ANTXR1: variants seen among roughly 807,000 people sequenced by gnomAD.
ANTXR1 encodes the protein ANTXR cell adhesion molecule 1.
A neutral mutation model predicts 78.1 loss-of-function variants in ANTXR1; 19 were observed. That is an observed-to-expected ratio of 0.24 (90% CI 0.17 to 0.36). The LOEUF is 0.36. Ranked by LOEUF, ANTXR1 falls within the 10% of genes least tolerant of loss-of-function variation. The pLI is 1.00. For missense variants in ANTXR1, 518 were observed against 718.6 expected (o/e 0.72, Z 3.19); for synonymous variants, 273 against 260.5 (o/e 1.05, Z -0.46).
chr2:69,037,898 C>T (rs1025860273), intron 1 of ANTXR1, among the ~76,000 whole-genome samples: 15 of 152,104 alleles, frequency 9.9e-5, no homozygotes, highest in African/African-American at 3.6e-4. Flanking sequence ...GACCCTGGCA[C>T]GCTCCTTCCA....
chr2:69,202,324 A>T (rs546603674), intron 17 of ANTXR1, among the ~76,000 whole-genome samples: 1 of 152,272 alleles, frequency 6.6e-6, no homozygotes, highest in African/African-American at 2.4e-5. Flanking sequence ...AGTGATGGGA[A>T]ATTAAGATGC....
intron 13 of ANTXR1, among the ~76,000 whole-genome samples, chr2:69,153,207 C>T (rs930341626): frequency 6.6e-6 from 1 of 152,184 alleles, no homozygotes; most frequent in Non-Finnish European, 1.5e-5. Flanking sequence ...CAGTGAGCCT[C>T]TCCAGGACAG....
chr2:69,118,553 G>A (rs1672229479), intron 10 of ANTXR1, among the ~76,000 whole-genome samples: 1 of 152,166 alleles, frequency 6.6e-6, no homozygotes, highest in South Asian at 2.1e-4. Flanking sequence ...GCCAGTCCGA[G>A]CTCCTGGCCT....
intron 1 of ANTXR1, among the ~76,000 whole-genome samples, chr2:69,018,080 G>A (rs1671074928): frequency 6.6e-6 from 1 of 152,130 alleles, no homozygotes; most frequent in Non-Finnish European, 1.5e-5. Flanking sequence ...GAGAGCAGGA[G>A]GAGTGGAGAT....
chr2:69,123,026 C>T lies in ANTXR1; in HGVS notation c.812C>T (p.Pro271Leu), dbSNP rs1558572570. Reference protein sequence around the residue: ...INDSVTLNEKPFSVEDTYLLC... With the variant: ...INDSVTLNEKLFSVEDTYLLC... ...GATTTCCTTTTTGCAGATGAGAAGC[C>T]CTTTTCTGTGGAAGATACTTATTTA... Residue 271 changes from proline (P) to leucine (L), a missense_variant, in exon 11 of 18, where the codon CCC becomes CTC. By Grantham distance (98) the Pro-to-Leu change is moderately conservative. This residue lies in a region of ANTXR1 where 264 missense variants were observed against 391.8 expected (regional missense o/e 0.67). Coordinates refer to ENST00000303714, the MANE Select transcript of ANTXR1 (RefSeq NM_032208.3). 3 of 1,614,120 alleles carry T rather than the reference C, an allele frequency of 1.9e-6. No homozygotes were observed. Among genetic ancestry groups the T allele is most frequent in the South Asian group, 1.1e-5 (1 of 91,072 alleles).
intron 17 of ANTXR1, among the ~76,000 whole-genome samples, chr2:69,195,752 C>T (rs531152965): frequency 7.2e-5 from 11 of 152,188 alleles, no homozygotes; most frequent in African/African-American, 2.4e-4. Context: ...GCATGAGACT[C>T]CTCTGACAGA....
chr2:69,082,281 C>T (rs1670919577), intron 8 of ANTXR1, among the ~76,000 whole-genome samples: 1 of 152,184 alleles, frequency 6.6e-6, no homozygotes. Flanking sequence ...ACACAGGCTG[C>T]AAGGAACATC....
At chr2:69,133,336 T>A (rs893484167) in intron 12 of ANTXR1, among the ~76,000 whole-genome samples, 1 of 152,202 alleles carries the variant, frequency 6.6e-6, no homozygotes, top group Non-Finnish European at 1.5e-5. Context: ...GACTTTCCCC[T>A]GTAGGTTCCT....
intron 16 of ANTXR1, among the ~76,000 whole-genome samples, chr2:69,191,961 A>C (rs921069222): frequency 1.3e-5 from 2 of 152,172 alleles, no homozygotes; most frequent in African/African-American, 2.4e-5. Context: ...ATTAGAGAAC[A>C]CTCATGGAAG....
chr2:69,164,192 A>G (rs1673761676), intron 13 of ANTXR1, among the ~76,000 whole-genome samples: 1 of 152,198 alleles, frequency 6.6e-6, no homozygotes, highest in South Asian at 2.1e-4. Context: ...GAAAGGGGGT[A>G]TAGGTGGTAT....
At chr2:69,171,748 A>G (rs778325113) in intron 14 of ANTXR1, among the ~76,000 whole-genome samples, 19 of 152,356 alleles carry the variant, frequency 1.2e-4, no homozygotes, top group South Asian at 2.1e-4. Flanking sequence ...GTACAAGCTC[A>G]GCAGGGACTT....
rs1432382336 is a variant in ANTXR1, at chr2:69,249,164, A to G, written c.*3679A>G. ...TTTTTAAAAAAATAATAAATTTCTT[A>G]AATCAACTCTTTTTTCTGGTTGTCT... On this transcript the variant is annotated 3_prime_UTR_variant, in exon 18 of 18. Transcript: ENST00000303714. 3.3e-5 allele frequency: 5 copies of G among 152,022 alleles called. No homozygotes were observed. Among genetic ancestry groups the G allele is most frequent in the Non-Finnish European group, 7.4e-5 (5 of 68,010 alleles). 9.4% of individuals were successfully genotyped at this position (152,022 alleles called of 1,614,324 possible). A position where few individuals can be genotyped will look rare whatever the true frequency, so the allele number is the denominator to read the frequency against.
At chr2:69,130,523 G>A (rs921112651) in intron 12 of ANTXR1, among the ~76,000 whole-genome samples, 5 of 152,168 alleles carry the variant, frequency 3.3e-5, no homozygotes, top group East Asian at 1.9e-4. Context: ...ATATTGAGTC[G>A]AAAATCTTTA....
At chr2:69,216,473 G>A (rs184009715) in intron 17 of ANTXR1, among the ~76,000 whole-genome samples, 12 of 151,982 alleles carry the variant, frequency 7.9e-5, no homozygotes, top group Admixed American at 7.9e-4. Context: ...ATACATGCAT[G>A]CACATATATA....
At chr2:69,123,141 T>C (rs372571291) in intron 11 of ANTXR1, 55 bp downstream of exon 11, 29 of 1,560,874 alleles carry the variant, frequency 1.9e-5, no homozygotes, top group Non-Finnish European at 2.6e-5. Context: ...AGAGGAGGTG[T>C]ACGGGGACAG....
At chr2:69,236,677 T>G (rs1360602966) in intron 17 of ANTXR1, among the ~76,000 whole-genome samples, 1 of 152,240 alleles carries the variant, frequency 6.6e-6, no homozygotes, top group Non-Finnish European at 1.5e-5. Context: ...TATGAAAATA[T>G]TTATGGATAA....
intron 1 of ANTXR1, among the ~76,000 whole-genome samples, chr2:69,039,065 A>G (rs1669536369): frequency 6.6e-6 from 1 of 152,234 alleles, no homozygotes; most frequent in Non-Finnish European, 1.5e-5. Context: ...AATGTTTGCA[A>G]TACACAATGT....
At position 69,123,121 on chromosome 2, in the gene ANTXR1, G is replaced by A. The variant is rs1381374910; in HGVS notation, c.872+35G>A. On this transcript the variant is annotated intron_variant, in intron 11 of 17. Transcript: ENST00000303714. ...CACCAGCAACTGAACCTCCCAGCCA[G>A]GGAAGAGAGAGAGGAGGTGTACGGG... 10 of 1,606,832 alleles carry A rather than the reference G, an allele frequency of 6.2e-6. No individual in the cohort carries two copies. The East Asian group carries it at 6.7e-5, about 11-fold the overall frequency.
chr2:69,226,291 C>T (rs1204535726), intron 17 of ANTXR1, among the ~76,000 whole-genome samples: 9 of 152,124 alleles, frequency 5.9e-5, no homozygotes, highest in Non-Finnish European at 8.8e-5. Flanking sequence ...GAATTCACTC[C>T]AGGGCTGATC....
Sources: gnomAD v4.1 joint callset for allele counts (sites outside exome capture counted in the v4.1 genomes callset) on GRCh38, gnomAD v4.1.1 for gene constraint, gnomAD v4.1.1 regional missense constraint, MANE v1.5 for transcripts, NCBI Gene and HGNC (gene_info 2026-07-23, HGNC 2026-07-21) for gene names.